Variants in CHRM2 observed in about 807,000 individuals in gnomAD.
CHRM2 encodes the protein cholinergic receptor muscarinic 2.
A neutral mutation model predicts 25.0 loss-of-function variants in CHRM2; 8 were observed. The observed-to-expected ratio is 0.32, with a 90% CI of 0.19 to 0.58. CHRM2 has a LOEUF of 0.58. Ranked by LOEUF, CHRM2 falls within the 20% of genes least tolerant of loss-of-function variation. The pLI is 0.88. For missense variants in CHRM2, 440 were observed against 567.1 expected (o/e 0.78, Z 2.28); for synonymous variants, 202 against 205.7 (o/e 0.98, Z 0.15).
intron 2 of CHRM2, among the ~76,000 whole-genome samples, chr7:136,888,286 T>A (rs1204654382): frequency 6.6e-6 from 1 of 152,160 alleles, no homozygotes; most frequent in East Asian, 1.9e-4. Flanking sequence ...CAAATTCCCC[T>A]CTTCCCTGTG....
At chr7:136,967,437 C>T (rs549598356) in intron 2 of CHRM2, among the ~76,000 whole-genome samples, 2 of 151,976 alleles carry the variant, frequency 1.3e-5, no homozygotes, top group Admixed American at 1.3e-4. Flanking sequence ...AAGATCTTAA[C>T]ATTATGGAAA....
chr7:136,928,972 G>A (rs531596522), intron 2 of CHRM2, among the ~76,000 whole-genome samples: 10 of 152,116 alleles, frequency 6.6e-5, no homozygotes, highest in Non-Finnish European at 1.3e-4. Flanking sequence ...GGTGTAAAGC[G>A]CTGTAAATGA....
At position 136,918,627 on chromosome 7, in the gene CHRM2, C is replaced by T. The variant is rs189239202; in HGVS notation, c.-125+49209C>T. On this transcript the variant is annotated intron_variant, in intron 2 of 3. Coordinates refer to ENST00000680005, the MANE Select transcript of CHRM2 (RefSeq NM_001006630.2). ...TATTTTATTAGAGACAGTGTCCCTA[C>T]GTTGCTCAGGTTGGTCTCAAACTCC... Among the ~76,000 whole-genome samples, 239 of 152,084 alleles carry T rather than the reference C, an allele frequency of 1.6e-3. 2 individuals are homozygous for T. The highest frequency in any genetic ancestry group is 5.4e-3 in the African/African-American group (225 of 41,504).
intron 2 of CHRM2, among the ~76,000 whole-genome samples, chr7:136,982,847 T>C (rs1802575013): frequency 6.6e-6 from 1 of 152,148 alleles, no homozygotes; most frequent in African/African-American, 2.4e-5. Flanking sequence ...GTGAGTAATG[T>C]GACCTTTCTC....
intron 3 of CHRM2, among the ~76,000 whole-genome samples, chr7:137,004,437 G>C (rs915021867): frequency 1.3e-5 from 2 of 152,080 alleles, no homozygotes; most frequent in African/African-American, 4.8e-5. Flanking sequence ...CAGTCTAAAT[G>C]GGAGACAGGT....
intron 2 of CHRM2, among the ~76,000 whole-genome samples, chr7:136,933,124 C>A (rs1438160969): frequency 1.3e-5 from 2 of 152,224 alleles, no homozygotes; most frequent in Admixed American, 1.3e-4. Flanking sequence ...TACTTCAAAA[C>A]AAATTGAACA....
At chr7:136,975,741 T>C (rs1013977300) in intron 2 of CHRM2, among the ~76,000 whole-genome samples, 7 of 152,202 alleles carry the variant, frequency 4.6e-5, no homozygotes, top group African/African-American at 1.7e-4. Context: ...TTTTGCAAGT[T>C]GGTGCAGTAT....
chr7:136,882,259 C>T (rs1278801913), intron 2 of CHRM2, among the ~76,000 whole-genome samples: 2 of 152,084 alleles, frequency 1.3e-5, no homozygotes, highest in Non-Finnish European at 2.9e-5. Context: ...TTCTTACACT[C>T]ATACGTTATA....
chr7:136,929,709 G>A (rs1470226836), intron 2 of CHRM2, among the ~76,000 whole-genome samples: 3 of 152,124 alleles, frequency 2.0e-5, no homozygotes, highest in South Asian at 2.1e-4. Context: ...TAAAAAGAAC[G>A]TGAACAATTG....
chr7:137,014,375 T>TA (rs1805030548), intron 3 of CHRM2, among the ~76,000 whole-genome samples: 2 of 152,050 alleles, frequency 1.3e-5, no homozygotes, highest in Non-Finnish European at 2.9e-5. Context: ...ACATTCAATA[T>TA]TATACATTCT....
chr7:136,877,914 CT>C (rs1023451274), intron 2 of CHRM2, among the ~76,000 whole-genome samples: 1 of 151,934 alleles, frequency 6.6e-6, no homozygotes. Context: ...CCAAGGAACT[CT>C]TTAGGAGGAA....
intron 2 of CHRM2, among the ~76,000 whole-genome samples, chr7:136,914,493 G>T (rs983492492): frequency 2.0e-5 from 3 of 151,840 alleles, no homozygotes; most frequent in African/African-American, 7.3e-5. Context: ...AATCATGCAG[G>T]AGCATCATAA....
intron 2 of CHRM2, among the ~76,000 whole-genome samples, chr7:136,941,870 T>A (rs1799792902): frequency 6.6e-6 from 1 of 152,194 alleles, no homozygotes; most frequent in Non-Finnish European, 1.5e-5. Context: ...TTGTAGGGTC[T>A]GGAGTTAGAC....
At chr7:136,893,240 C>T (rs904685410) in intron 2 of CHRM2, among the ~76,000 whole-genome samples, 1 of 152,096 alleles carries the variant, frequency 6.6e-6, no homozygotes, top group Non-Finnish European at 1.5e-5. Flanking sequence ...CAAATTTTCC[C>T]TAATCCGGTG....
chr7:136,922,020 T>G (rs778228775), intron 2 of CHRM2, among the ~76,000 whole-genome samples: 2 of 152,202 alleles, frequency 1.3e-5, no homozygotes, highest in Non-Finnish European at 2.9e-5. Flanking sequence ...GCCTGCCTCA[T>G]TCTCCCAAAG....
chr7:136,938,915 C>CAAAAAAAAAAAAAAAAA (rs56868385), intron 2 of CHRM2, among the ~76,000 whole-genome samples: 2 of 66,912 alleles, frequency 3.0e-5, no homozygotes, highest in Non-Finnish European at 5.7e-5. Context: ...CTAGCTCTGC[C>CAAAAAAAAAAAAAAAAA]AAAAAAAAAA....
chr7:136,989,517 T>C (rs577047813), intron 2 of CHRM2, among the ~76,000 whole-genome samples: 29 of 152,324 alleles, frequency 1.9e-4, no homozygotes, highest in African/African-American at 6.5e-4. Context: ...ATACCCACTG[T>C]AGACTCATTA....
chr7:136,955,268 C>G (rs1193468904), intron 2 of CHRM2, among the ~76,000 whole-genome samples: 1 of 152,108 alleles, frequency 6.6e-6, no homozygotes, highest in Non-Finnish European at 1.5e-5. Context: ...CATTAAATAA[C>G]TCAATTCTTA....
At chr7:136,945,082 GT>G (rs551087046) in intron 2 of CHRM2, among the ~76,000 whole-genome samples, 7 of 149,438 alleles carry the variant, frequency 4.7e-5, no homozygotes, top group African/African-American at 7.4e-5. Context: ...ATTGTTTTTT[GT>G]TTTTTTTTCT....
Sources: gnomAD v4.1 joint callset for allele counts (sites outside exome capture counted in the v4.1 genomes callset) on GRCh38, gnomAD v4.1.1 for gene constraint, MANE v1.5 for transcripts, NCBI Gene and HGNC (gene_info 2026-07-23, HGNC 2026-07-21) for gene names.